Variants in CABLES1 observed in about 807,000 individuals in gnomAD.
CABLES1 encodes the protein Cdk5 and Abl enzyme substrate 1.
Under a neutral mutation model 57.8 loss-of-function variants are expected in CABLES1, and 36 were observed. The observed-to-expected ratio is 0.62, with a 90% CI of 0.48 to 0.82. CABLES1 has a LOEUF of 0.82. Among genes scored for constraint, CABLES1 ranks in the 40% least tolerant of loss-of-function variants. CABLES1 has a pLI of 0.00. For missense variants in CABLES1, 767 were observed against 836.6 expected (o/e 0.92, Z 1.03); for synonymous variants, 374 against 363.0 (o/e 1.03, Z -0.35).
Position 23,214,904 on chromosome 18 carries a change from C to T in CABLES1, c.1088+850C>T, listed in dbSNP as rs142432410. Among the ~76,000 whole-genome samples the T allele has an allele frequency of 6.5e-3, 986 of 152,314 alleles. 3 individuals are homozygous for T. The highest frequency in any genetic ancestry group is 0.014 in the Middle Eastern group (4 of 294). On this transcript the variant is annotated intron_variant, in intron 4 of 9. Coordinates refer to ENST00000256925, the MANE Select transcript of CABLES1 (RefSeq NM_001100619.3). Reference sequence around the variant, plus strand: ...TCCACCATCTCCGTGAGCTCTACCCCAGGCCTTCCTGCTCACCATGACCTC... The same window carrying T: ...TCCACCATCTCCGTGAGCTCTACCCTAGGCCTTCCTGCTCACCATGACCTC...
At chr18:23,155,608 C>T (rs745324250) in intron 1 of CABLES1, among the ~76,000 whole-genome samples, 8 of 152,136 alleles carry the variant, frequency 5.3e-5, no homozygotes, top group African/African-American at 1.2e-4. Context: ...CTTGTTGAGC[C>T]GTGTCCAGAG....
chr18:23,220,904 T>C (rs562694818), intron 4 of CABLES1, among the ~76,000 whole-genome samples: 19 of 152,008 alleles, frequency 1.2e-4, no homozygotes, highest in Non-Finnish European at 2.2e-4. Flanking sequence ...GTGTGTGGAG[T>C]GTGTGGAGCT....
At chr18:23,214,382 G>A (rs985010701) in intron 4 of CABLES1, among the ~76,000 whole-genome samples, 25 of 152,246 alleles carry the variant, frequency 1.6e-4, no homozygotes, top group Middle Eastern at 6.8e-3. Flanking sequence ...AAAAAGGTAG[G>A]TCAAGGAAGA....
At chr18:23,149,931 C>G (rs773959978) in intron 1 of CABLES1, 2 of 152,216 alleles carry the variant, frequency 1.3e-5, no homozygotes, top group Non-Finnish European at 2.9e-5. Context: ...TATTCTAGCA[C>G]AAATGGACAG....
chr18:23,219,188 CT>C, intron 4 of CABLES1: 3 of 454,134 alleles, frequency 6.6e-6, no homozygotes, highest in South Asian at 4.7e-5. Flanking sequence ...CTTGGGTACA[CT>C]GGTGAAAGAG....
rs1260052846 is a variant in CABLES1 at position 23,246,859 on chromosome 18, A to AT, written c.1447-6096dup. Reference sequence around the variant, plus strand: ...AGGCATGCACCACCACGCCCAGCTAATTTTTGTATTTTTAGTAGAGACGGG... The same window carrying AT: ...AGGCATGCACCACCACGCCCAGCTAATTTTTTGTATTTTTAGTAGAGACGGG... On this transcript the variant is annotated intron_variant, in intron 7 of 9. Coordinates refer to ENST00000256925, the MANE Select transcript of CABLES1 (RefSeq NM_001100619.3). Among the ~76,000 whole-genome samples the AT allele has an allele frequency of 8.1e-4, 122 of 150,242 alleles. 4 individuals are homozygous for AT. Among genetic ancestry groups the AT allele is most frequent in the African/African-American group, 2.8e-3 (113 of 39,828 alleles).
At chr18:23,177,832 A>G (rs1214773930) in intron 1 of CABLES1, among the ~76,000 whole-genome samples, 2 of 152,076 alleles carry the variant, frequency 1.3e-5, no homozygotes, top group Non-Finnish European at 2.9e-5. Flanking sequence ...TTTGGCCTCC[A>G]GGTGTGGACA....
Position 23,136,329 on chromosome 18 carries a change from C to T in CABLES1, c.567C>T (p.Ala189=). 2 of 1,417,868 alleles carry T rather than the reference C, an allele frequency of 1.4e-6. No homozygotes were observed. Among genetic ancestry groups the T allele is most frequent in the South Asian group, 1.6e-5 (1 of 64,218 alleles). The allele number at this position is 1,417,868 out of a possible 1,614,324, so 87.8% of individuals were successfully genotyped here. ...QWQPPRPAPL[A]ACAQLQLLDG... is the part of the protein sequence containing the mutation. ...AGCCGCCCCGGCCGGCGCCTCTCGCCGCCTGTGCCCAACTGCAGCTGCTCG... is the reference window on the plus strand; with the variant it reads ...AGCCGCCCCGGCCGGCGCCTCTCGCTGCCTGTGCCCAACTGCAGCTGCTCG... Residue 189 remains alanine (A), a synonymous_variant, in exon 1 of 10, where the codon GCC becomes GCT. Transcript: ENST00000256925.
intron 1 of CABLES1, among the ~76,000 whole-genome samples, chr18:23,177,798 C>G (rs904533722): frequency 2.0e-5 from 3 of 152,140 alleles, no homozygotes. Context: ...CTCTCCCTGG[C>G]TCCCCCATGT....
rs917354944 is a variant in CABLES1, at chr18:23,188,896, G to A, written c.904G>A (p.Ala302Thr). The A allele has an allele frequency of 3.1e-6, 5 of 1,612,022 alleles. No homozygotes were observed. Among genetic ancestry groups the A allele is most frequent in the Non-Finnish European group, 4.2e-6 (5 of 1,178,280 alleles). ...GACCCTGGAAGATATTGAGGAGAAC[G>A]CCCCTCTCCGGAGGTAATTTTCTGT... Reference protein sequence around the residue: ...LETLEDIEENAPLRRCRTLSG... With the variant: ...LETLEDIEENTPLRRCRTLSG... Residue 302 changes from alanine (A) to threonine (T), a missense_variant, in exon 2 of 10, where the codon GCC (alanine) becomes ACC (threonine). Ala to Thr is a moderately conservative substitution (Grantham distance 58, BLOSUM62 0). Coordinates refer to ENST00000256925, the MANE Select transcript of CABLES1 (RefSeq NM_001100619.3).
At chr18:23,186,900 G>A (rs535383742) in intron 1 of CABLES1, among the ~76,000 whole-genome samples, 1 of 152,312 alleles carries the variant, frequency 6.6e-6, no homozygotes, top group African/African-American at 2.4e-5. Flanking sequence ...AGTCCAGCCT[G>A]GGACTCAGCA....
chr18:23,150,223 T>TGTTTTTGTTTTTG (rs2046919355), intron 1 of CABLES1, among the ~76,000 whole-genome samples: 1 of 148,168 alleles, frequency 6.7e-6, no homozygotes, highest in East Asian at 2.0e-4. Flanking sequence ...TTTTTTTTTT[T>TGTTTTTGTTTTTG]TTTGAGACGG....
intron 3 of CABLES1, among the ~76,000 whole-genome samples, chr18:23,204,090 TC>T (rs751214438): frequency 2.0e-5 from 3 of 152,142 alleles, no homozygotes; most frequent in Non-Finnish European, 4.4e-5. Flanking sequence ...ACTGAGATGG[TC>T]CCCAGAGCTG....
At chr18:23,214,108 A>T in intron 4 of CABLES1, 54 bp downstream of exon 4, 1 of 1,210,960 alleles carries the variant, frequency 8.3e-7, no homozygotes, top group South Asian at 1.3e-5. Context: ...ATCTCACACC[A>T]ATGTACATAA....
chr18:23,155,309 G>A (rs1356602819), intron 1 of CABLES1, among the ~76,000 whole-genome samples: 1 of 152,212 alleles, frequency 6.6e-6, no homozygotes, highest in Non-Finnish European at 1.5e-5. Flanking sequence ...ATTGGTACCA[G>A]ATGCCTGCAT....
chr18:23,161,922 C>CA (rs879325669), intron 1 of CABLES1, among the ~76,000 whole-genome samples: 111 of 137,412 alleles, frequency 8.1e-4, no homozygotes, highest in Middle Eastern at 3.6e-3. Flanking sequence ...GACTCCGTCT[C>CA]AAAAAAAAAA....
intron 6 of CABLES1, among the ~76,000 whole-genome samples, chr18:23,236,702 C>T (rs1469999931): frequency 6.6e-6 from 1 of 152,168 alleles, no homozygotes; most frequent in Non-Finnish European, 1.5e-5. Context: ...TTGGTGGCCG[C>T]TCTGATTTGT....
intron 4 of CABLES1, among the ~76,000 whole-genome samples, chr18:23,219,630 G>C (rs1042834979): frequency 2.6e-5 from 4 of 152,184 alleles, no homozygotes; most frequent in Non-Finnish European, 4.4e-5. Flanking sequence ...GAGAGGGCTG[G>C]GGACAGGAGT....
intron 5 of CABLES1, among the ~76,000 whole-genome samples, chr18:23,235,519 G>A (rs1416493353): frequency 6.6e-6 from 1 of 152,194 alleles, no homozygotes; most frequent in Non-Finnish European, 1.5e-5. Context: ...AGGGACTCTT[G>A]GGGCCTGAAG....
Sources: gnomAD v4.1 joint callset for allele counts (sites outside exome capture counted in the v4.1 genomes callset) on GRCh38, gnomAD v4.1.1 for gene constraint, MANE v1.5 for transcripts, NCBI Gene and HGNC (gene_info 2026-07-23, HGNC 2026-07-21) for gene names.